Variants in GPC6 observed in about 807,000 individuals in gnomAD.
The protein encoded by GPC6 is glypican 6, also known as glypican-6.
A neutral mutation model predicts 55.2 loss-of-function variants in GPC6; 14 were observed. The observed-to-expected ratio is 0.25, with a 90% CI of 0.17 to 0.40. GPC6 has a LOEUF of 0.40. Ranked by LOEUF, GPC6 falls within the 10% of genes least tolerant of loss-of-function variation. The pLI is 1.00. For missense variants in GPC6, 641 were observed against 708.5 expected (o/e 0.90, Z 1.08); for synonymous variants, 278 against 259.6 (o/e 1.07, Z -0.68).
intron 2 of GPC6, among the ~76,000 whole-genome samples, chr13:93,616,181 C>T (rs753216609): frequency 6.6e-6 from 1 of 152,036 alleles, no homozygotes; most frequent in Non-Finnish European, 1.5e-5. Context: ...ATTCTATTCT[C>T]ATTTTTCCTT....
intron 1 of GPC6, among the ~76,000 whole-genome samples, chr13:93,370,773 T>C (rs1157456229): frequency 6.6e-6 from 1 of 152,158 alleles, no homozygotes; most frequent in East Asian, 1.9e-4. Flanking sequence ...AAACCTTTTC[T>C]GTAAAAATGA....
rs1594317023 is a variant in GPC6, at chr13:93,620,288, T to C, written c.319+74867T>C. Among the ~76,000 whole-genome samples, 3 of 152,194 alleles carry C rather than the reference T, an allele frequency of 2.0e-5. No homozygotes were observed. In the East Asian group the frequency reaches 5.8e-4, roughly 29 times the overall value. The stretch of plus-strand genomic sequence containing the variant: ...GTAACTGATTAACACATTGTTCTCA[T>C]TGAAACATATGGCTAGCTCATAATT... On this transcript the variant is annotated intron_variant, in intron 2 of 8. Transcript: ENST00000377047.
At position 94,068,960 on chromosome 13, in the gene GPC6, G is replaced by A. The variant is rs536228429; in HGVS notation, c.877+41066G>A. Among the ~76,000 whole-genome samples, 108 of 152,304 alleles carry A rather than the reference G, an allele frequency of 7.1e-4. 1 individual carries two copies. Among genetic ancestry groups the A allele is most frequent in the Middle Eastern group, 3.4e-3 (1 of 294 alleles). On this transcript the variant is annotated intron_variant, in intron 4 of 8. Coordinates refer to ENST00000377047, the MANE Select transcript of GPC6 (RefSeq NM_005708.5). ...GGATCTACCATTCTGGGGTCTGGAG[G>A]ACAGTGGCCCTTTTCTCACTGCTCC...
At chr13:94,368,097 C>T (rs529470350) in intron 6 of GPC6, among the ~76,000 whole-genome samples, 2 of 146,432 alleles carry the variant, frequency 1.4e-5, no homozygotes, top group East Asian at 2.0e-4. Flanking sequence ...TGCAGTGAGC[C>T]GAGATCGCAC....
chr13:93,363,037 A>G (rs1257812239), intron 1 of GPC6, among the ~76,000 whole-genome samples: 1 of 151,626 alleles, frequency 6.6e-6, no homozygotes. Context: ...AAAATGTATT[A>G]GTATCTCTAC....
At chr13:93,721,532 A>G (rs1430193499) in intron 2 of GPC6, among the ~76,000 whole-genome samples, 3 of 151,790 alleles carry the variant, frequency 2.0e-5, no homozygotes, top group African/African-American at 7.2e-5. Flanking sequence ...AAGAGTCTCC[A>G]GTACTAATTA....
chr13:94,202,868 C>A (rs2031565), intron 4 of GPC6, among the ~76,000 whole-genome samples: 1 of 151,878 alleles, frequency 6.6e-6, no homozygotes, highest in Admixed American at 6.5e-5. Context: ...GAGGCCCCTT[C>A]GAAGGCCCTA....
intron 2 of GPC6, among the ~76,000 whole-genome samples, chr13:93,560,374 GTGT>G (rs1203958582): frequency 6.7e-6 from 1 of 149,932 alleles, no homozygotes; most frequent in East Asian, 2.0e-4. Context: ...AATTAACCAA[GTGT>G]TGTGGTGTGT....
intron 4 of GPC6, among the ~76,000 whole-genome samples, chr13:94,117,549 T>C (rs513266): frequency 0.75 from 113,891 of 151,990 alleles, 43,034 homozygotes; most frequent in Middle Eastern, 0.85. Flanking sequence ...GAAGAGGTGG[T>C]CAAGGCAAAT....
chr13:93,272,022 T>C (rs1026395732), intron 1 of GPC6, among the ~76,000 whole-genome samples: 1 of 152,144 alleles, frequency 6.6e-6, no homozygotes, highest in Non-Finnish European at 1.5e-5. Flanking sequence ...TTTTGTGCTG[T>C]GCTGATGGGA....
chr13:93,495,423 T>G (rs896314099), intron 1 of GPC6, among the ~76,000 whole-genome samples: 5 of 119,334 alleles, frequency 4.2e-5, no homozygotes, highest in Non-Finnish European at 5.2e-5. Context: ...TTATACATTC[T>G]TCTAAATTTT....
At chr13:93,526,399 CTTA>C (rs148570448) in intron 1 of GPC6, among the ~76,000 whole-genome samples, 8,663 of 152,024 alleles carry the variant, frequency 0.057, 801 homozygotes, top group African/African-American at 0.2. Flanking sequence ...ACCCCGAATA[CTTA>C]TTATGCAAGG....
chr13:94,066,923 T>G (rs1478590840), intron 4 of GPC6, among the ~76,000 whole-genome samples: 1 of 152,234 alleles, frequency 6.6e-6, no homozygotes, highest in African/African-American at 2.4e-5. Flanking sequence ...TTGGCAACCT[T>G]GCATGGAATA....
At chr13:93,649,435 G>A (rs1880314904) in intron 2 of GPC6, among the ~76,000 whole-genome samples, 1 of 152,164 alleles carries the variant, frequency 6.6e-6, no homozygotes, top group Non-Finnish European at 1.5e-5. Context: ...GAGCGACAGA[G>A]TGAGACCCGA....
At chr13:93,238,996 T>C (rs564351376) in intron 1 of GPC6, among the ~76,000 whole-genome samples, 4 of 152,086 alleles carry the variant, frequency 2.6e-5, no homozygotes, top group Non-Finnish European at 5.9e-5. Context: ...GTTTGCTATG[T>C]TTTGTTGAGG....
intron 3 of GPC6, among the ~76,000 whole-genome samples, chr13:93,987,388 A>G (rs1011447536): frequency 1.3e-5 from 2 of 152,202 alleles, no homozygotes; most frequent in African/African-American, 4.8e-5. Context: ...TTAATAAGAA[A>G]CAGTTATTAA....
intron 2 of GPC6, among the ~76,000 whole-genome samples, chr13:93,790,468 T>C (rs1885995456): frequency 3.3e-5 from 5 of 152,186 alleles, no homozygotes; most frequent in Admixed American, 3.3e-4. Flanking sequence ...ACTCTTAGGT[T>C]TGAGGATATC....
chr13:93,743,436 T>G (rs1191795947), intron 2 of GPC6, among the ~76,000 whole-genome samples: 1 of 152,218 alleles, frequency 6.6e-6, no homozygotes, highest in East Asian at 1.9e-4. Context: ...ATGGAGACTT[T>G]GAAATGTATT....
intron 4 of GPC6, among the ~76,000 whole-genome samples, chr13:94,235,925 G>A (rs184118164): frequency 1.3e-3 from 192 of 152,238 alleles, no homozygotes; most frequent in African/African-American, 4.5e-3. Flanking sequence ...CCATTACACA[G>A]GTGACGAAAC....
Sources: gnomAD v4.1 joint callset for allele counts (sites outside exome capture counted in the v4.1 genomes callset) on GRCh38, gnomAD v4.1.1 for gene constraint, MANE v1.5 for transcripts, NCBI Gene and HGNC (gene_info 2026-07-23, HGNC 2026-07-21) for gene names.